Variants in SCFD2 observed in about 807,000 individuals in gnomAD.
SCFD2 encodes sec1 family domain-containing protein 2.
A neutral mutation model predicts 58.9 loss-of-function variants in SCFD2; 54 were observed. That is an observed-to-expected ratio of 0.92 (90% CI 0.74 to 1.15). The LOEUF is 1.15. Among genes scored for constraint, SCFD2 ranks in the 50% most tolerant of loss-of-function variants. The pLI is 0.00. For missense variants in SCFD2, 805 were observed against 836.6 expected, an observed-to-expected ratio of 0.96 and a Z score of 0.47; for synonymous variants, 321 against 335.9, an observed-to-expected ratio of 0.96 and a Z score of 0.49.
chr4:53,171,992 ATTTAT>A (rs1727194167), intron 4 of SCFD2, among the ~76,000 whole-genome samples: 1 of 147,634 alleles, frequency 6.8e-6, no homozygotes, highest in South Asian at 2.1e-4. Flanking sequence ...TTTTTATTTT[ATTTAT>A]TTATTTATTA....
intron 5 of SCFD2, among the ~76,000 whole-genome samples, chr4:52,983,453 A>G (rs1721421837): frequency 6.6e-6 from 1 of 152,176 alleles, no homozygotes; most frequent in African/African-American, 2.4e-5. Context: ...AAGGAGATGT[A>G]TTTACCTTAG....
chr4:53,359,305 T>C (rs1398139325), intron 1 of SCFD2, among the ~76,000 whole-genome samples: 1 of 152,232 alleles, frequency 6.6e-6, no homozygotes, highest in Non-Finnish European at 1.5e-5. Context: ...CCAAAATATT[T>C]AGCATCTAAT....
chr4:52,885,764 A>G lies in SCFD2; in HGVS notation c.1945T>C (p.Leu649=). The G allele has an allele frequency of 6.2e-7, 1 of 1,614,026 alleles. No homozygotes were observed. Among genetic ancestry groups the G allele is most frequent in the Non-Finnish European group, 8.5e-7 (1 of 1,179,928 alleles). The change falls in exon 8 of 9, where the codon TTG becomes CTG. Residue 649 remains leucine, a synonymous_variant. Transcript: ENST00000401642. ...CTCAGTACCTGGGTTCCTGGCTTCAACGATGCCACAAGATCTTTGACCATT... is the reference window on the plus strand; with the variant it reads ...CTCAGTACCTGGGTTCCTGGCTTCAGCGATGCCACAAGATCTTTGACCATT... ...VKMVKDLVAS[L]KPGTQVIVLS...
intron 5 of SCFD2, among the ~76,000 whole-genome samples, chr4:52,936,264 C>T (rs541789494): frequency 3.3e-5 from 5 of 152,124 alleles, no homozygotes; most frequent in Non-Finnish European, 7.4e-5. Flanking sequence ...ATAAACATTA[C>T]TGGGTGCCAT....
At chr4:52,965,560 C>T (rs961335023) in intron 5 of SCFD2, among the ~76,000 whole-genome samples, 1 of 152,208 alleles carries the variant, frequency 6.6e-6, no homozygotes, top group South Asian at 2.1e-4. Flanking sequence ...CAAAATGATG[C>T]CAATATTGCT....
intron 4 of SCFD2, among the ~76,000 whole-genome samples, chr4:53,198,317 T>G (rs1160355777): frequency 2.0e-5 from 3 of 152,070 alleles, no homozygotes; most frequent in African/African-American, 4.8e-5. Context: ...TTGAGTTGCT[T>G]GTTTTCTGCC....
chr4:53,172,767 TA>T (rs1312147364), intron 4 of SCFD2, among the ~76,000 whole-genome samples: 4 of 152,356 alleles, frequency 2.6e-5, no homozygotes, highest in Non-Finnish European at 4.4e-5. Flanking sequence ...ATATATGATC[TA>T]TCCTGAAGAA....
intron 4 of SCFD2, among the ~76,000 whole-genome samples, chr4:53,198,932 G>A (rs1055456593): frequency 3.3e-5 from 5 of 152,064 alleles, no homozygotes; most frequent in African/African-American, 1.2e-4. Context: ...GTCCAAAAGA[G>A]CTTGTGACAG....
intron 5 of SCFD2, among the ~76,000 whole-genome samples, chr4:52,968,018 T>A (rs760168864): frequency 5.3e-5 from 8 of 152,146 alleles, no homozygotes; most frequent in Non-Finnish European, 1.2e-4. Context: ...TATTTTATCA[T>A]CTGGAAGGCT....
intron 6 of SCFD2, among the ~76,000 whole-genome samples, chr4:52,919,718 A>T (rs1168468180): frequency 6.6e-6 from 1 of 152,192 alleles, no homozygotes; most frequent in Non-Finnish European, 1.5e-5. Flanking sequence ...AACTTGTGGC[A>T]ATCAAAGGAA....
chr4:52,948,792 G>T, intron 5 of SCFD2: 1 of 220,256 alleles, frequency 4.5e-6, no homozygotes, highest in Non-Finnish European at 9.3e-6. Context: ...TTAAAACGAT[G>T]GGCGGATTGA....
chr4:53,143,975 C>T (rs1313151009), intron 5 of SCFD2, among the ~76,000 whole-genome samples: 1 of 151,918 alleles, frequency 6.6e-6, no homozygotes, highest in Non-Finnish European at 1.5e-5. Flanking sequence ...GAATTTGATA[C>T]AAAATAACAT....
chr4:53,229,981 CA>C (rs1729376642), intron 4 of SCFD2, among the ~76,000 whole-genome samples: 1 of 152,114 alleles, frequency 6.6e-6, no homozygotes, highest in Non-Finnish European at 1.5e-5. Flanking sequence ...AGACACTTCT[CA>C]AAAGAAGACA....
chr4:53,178,652 T>C (rs1472311631), intron 4 of SCFD2, among the ~76,000 whole-genome samples: 1 of 152,188 alleles, frequency 6.6e-6, no homozygotes, highest in East Asian at 1.9e-4. Context: ...GGACGGAGAA[T>C]GACTTTGACG....
chr4:53,246,247 A>G (rs1437434146), intron 4 of SCFD2, among the ~76,000 whole-genome samples: 1 of 152,272 alleles, frequency 6.6e-6, no homozygotes, highest in African/African-American at 2.4e-5. Context: ...AAGAATCAGC[A>G]TTGTCAAAAT....
At chr4:53,299,185 T>C (rs1319975376) in intron 3 of SCFD2, among the ~76,000 whole-genome samples, 1 of 152,174 alleles carries the variant, frequency 6.6e-6, no homozygotes, top group East Asian at 1.9e-4. Flanking sequence ...GCAAAGAAGT[T>C]AAAAACTTTG....
At chr4:53,304,330 T>C (rs1333822967) in intron 3 of SCFD2, among the ~76,000 whole-genome samples, 2 of 152,092 alleles carry the variant, frequency 1.3e-5, no homozygotes, top group Non-Finnish European at 2.9e-5. Context: ...TCAAGGAGTA[T>C]CTTCGTGGTG....
At chr4:53,322,401 A>G (rs1733052765) in intron 2 of SCFD2, among the ~76,000 whole-genome samples, 1 of 152,168 alleles carries the variant, frequency 6.6e-6, no homozygotes, top group South Asian at 2.1e-4. Context: ...AAGTTACCCT[A>G]TATGGTCTAC....
At chr4:53,203,857 A>T (rs1728326465) in intron 4 of SCFD2, among the ~76,000 whole-genome samples, 1 of 152,150 alleles carries the variant, frequency 6.6e-6, no homozygotes, top group African/African-American at 2.4e-5. Context: ...CACTCCATCC[A>T]GATCACTCAG....
Sources: allele counts gnomAD v4.1 joint callset (sites outside exome capture counted in the v4.1 genomes callset), GRCh38; gene constraint gnomAD v4.1.1; transcripts MANE v1.5; gene names NCBI Gene and HGNC (gene_info 2026-07-23, HGNC 2026-07-21).